Variants in PTK2 observed in about 807,000 individuals in gnomAD.
PTK2 encodes focal adhesion kinase 1.
Under a neutral mutation model 150.1 loss-of-function variants are expected in PTK2, and 45 were observed. The observed-to-expected ratio is 0.30, with a 90% CI of 0.24 to 0.38. PTK2 has a LOEUF of 0.38. PTK2 is among the 10% of genes least tolerant of loss of function. PTK2 has a pLI of 1.00. For missense variants in PTK2, 919 were observed against 1,307.3 expected, an observed-to-expected ratio of 0.70 and a Z score of 4.58; for synonymous variants, 432 against 449.2, an observed-to-expected ratio of 0.96 and a Z score of 0.48.
intron 2 of PTK2, among the ~76,000 whole-genome samples, chr8:140,914,069 TA>T (rs2100164235): frequency 6.6e-6 from 1 of 152,146 alleles, no homozygotes; most frequent in Non-Finnish European, 1.5e-5. Flanking sequence ...ATACAGTTTT[TA>T]AGAAAGGTAT....
At chr8:140,862,326 CTTG>C (rs1167600860) in intron 5 of PTK2, among the ~76,000 whole-genome samples, 5 of 152,048 alleles carry the variant, frequency 3.3e-5, no homozygotes, top group African/African-American at 1.2e-4. Flanking sequence ...TTTAAACTCT[CTTG>C]TTATCTCCTT....
intron 2 of PTK2, among the ~76,000 whole-genome samples, chr8:140,911,734 C>CCA (rs1393720251): frequency 2.6e-5 from 3 of 113,578 alleles, no homozygotes; most frequent in Non-Finnish European, 4.5e-5. Context: ...ATTGCTATCA[C>CCA]TATAATGTTT....
chr8:140,893,953 A>G (rs1002013167), intron 2 of PTK2, among the ~76,000 whole-genome samples: 2 of 152,218 alleles, frequency 1.3e-5, no homozygotes, highest in African/African-American at 2.4e-5. Context: ...GAATTTGACA[A>G]TAACAAAACT....
chr8:140,910,303 G>C (rs2100162607), intron 2 of PTK2, among the ~76,000 whole-genome samples: 1 of 151,880 alleles, frequency 6.6e-6, no homozygotes, highest in Non-Finnish European at 1.5e-5. Context: ...GGTTAACAAG[G>C]TTCTGGATTT....
chr8:140,868,480 T>A (rs988826683), intron 4 of PTK2, among the ~76,000 whole-genome samples: 1 of 152,182 alleles, frequency 6.6e-6, no homozygotes, highest in Admixed American at 6.5e-5. Flanking sequence ...TGTTGCAGTA[T>A]CTATGTATCT....
At chr8:140,943,827 T>C (rs1024214029) in intron 1 of PTK2, among the ~76,000 whole-genome samples, 5 of 152,202 alleles carry the variant, frequency 3.3e-5, no homozygotes, top group African/African-American at 1.2e-4. Context: ...TCCTAACGAC[T>C]ACTAATGTGG....
chr8:140,786,442 C>T (rs917462503), intron 14 of PTK2, among the ~76,000 whole-genome samples: 4 of 152,070 alleles, frequency 2.6e-5, no homozygotes, highest in Non-Finnish European at 5.9e-5. Flanking sequence ...TTCTAGGTAT[C>T]GGCTTAACAA....
At chr8:140,673,439 G>GA (rs1217199960) in intron 29 of PTK2, among the ~76,000 whole-genome samples, 7 of 150,110 alleles carry the variant, frequency 4.7e-5, no homozygotes, top group East Asian at 1.9e-4. Context: ...GAACCACTAA[G>GA]AAAAAAAAAT....
intron 1 of PTK2, among the ~76,000 whole-genome samples, chr8:140,986,123 A>G (rs544431003): frequency 5.2e-5 from 8 of 152,382 alleles, no homozygotes; most frequent in African/African-American, 1.9e-4. Flanking sequence ...AAAATGTTCT[A>G]TACCAGCGCT....
intron 1 of PTK2, among the ~76,000 whole-genome samples, chr8:140,942,791 C>T (rs1258763617): frequency 1.3e-5 from 2 of 152,130 alleles, no homozygotes; most frequent in Non-Finnish European, 2.9e-5. Flanking sequence ...GATCTGTTTC[C>T]CAGCCAAATC....
chr8:140,757,892 T>G (rs558424503), intron 16 of PTK2, among the ~76,000 whole-genome samples: 2 of 152,340 alleles, frequency 1.3e-5, no homozygotes, highest in South Asian at 4.1e-4. Flanking sequence ...AAATTTCTTA[T>G]GTGATCATGG....
At chr8:140,668,140 T>C in intron 30 of PTK2, 129 bp downstream of exon 34, 2 of 1,065,936 alleles carry the variant, frequency 1.9e-6, no homozygotes, top group Non-Finnish European at 2.7e-6. Flanking sequence ...GGTGCTTTCG[T>C]GAAGAGCTTC....
At chr8:140,793,048 C>A (rs1180889638) in intron 13 of PTK2, among the ~76,000 whole-genome samples, 1 of 152,164 alleles carries the variant, frequency 6.6e-6, no homozygotes, top group African/African-American at 2.4e-5. Context: ...CAGAATGCCA[C>A]ATATTTTCAG....
At chr8:140,718,327 C>T (rs1298459854) in intron 22 of PTK2, 1 of 152,466 alleles carries the variant, frequency 6.6e-6, no homozygotes, top group Non-Finnish European at 1.5e-5. Flanking sequence ...CACTGCTTGA[C>T]TACTCAGAAG....
chr8:140,905,046 T>C (rs905745318), intron 2 of PTK2, among the ~76,000 whole-genome samples: 6 of 152,246 alleles, frequency 3.9e-5, no homozygotes, highest in African/African-American at 1.4e-4. Flanking sequence ...CATTTGAATG[T>C]GTTTGCTCTT....
chr8:140,705,370 C>A (rs888965373), intron 24 of PTK2, among the ~76,000 whole-genome samples: 1 of 152,064 alleles, frequency 6.6e-6, no homozygotes, highest in Non-Finnish European at 1.5e-5. Context: ...AAAAGATAAG[C>A]CCTAAAAAGC....
intron 8 of PTK2, among the ~76,000 whole-genome samples, chr8:140,825,636 C>A (rs2100111360): frequency 6.6e-6 from 1 of 152,170 alleles, no homozygotes; most frequent in African/African-American, 2.4e-5. Flanking sequence ...ACCCTTGGTA[C>A]CCACTGGTAG....
chr8:140,750,271 T>A (rs1468455995), intron 17 of PTK2: 3 of 152,222 alleles, frequency 2.0e-5, no homozygotes, highest in Admixed American at 6.5e-5. Context: ...AAGGCATTCA[T>A]TTGATGCACA....
intron 8 of PTK2, chr8:140,820,690 G>T (rs536429400): frequency 4.6e-5 from 7 of 151,910 alleles, no homozygotes; most frequent in African/African-American, 1.4e-4. Context: ...TGAAATGGCA[G>T]AAATTGTGAG....
Sources: gnomAD v4.1 joint callset for allele counts (sites outside exome capture counted in the v4.1 genomes callset) on GRCh38, gnomAD v4.1.1 for gene constraint, MANE v1.5 for transcripts, NCBI Gene and HGNC (gene_info 2026-07-23, HGNC 2026-07-21) for gene names.